Variants in CHCHD6 observed in about 807,000 individuals in gnomAD.
The protein encoded by CHCHD6 is coiled-coil-helix-coiled-coil-helix domain containing 6, also known as MICOS complex subunit MIC25.
A neutral mutation model predicts 32.3 loss-of-function variants in CHCHD6; 28 were observed. The ratio of observed to expected loss-of-function variants is 0.87; its 90% CI spans 0.64 to 1.19. The LOEUF is 1.19. Among genes scored for constraint, CHCHD6 ranks in the 50% most tolerant of loss-of-function variants. The pLI, the probability that CHCHD6 is intolerant of heterozygous loss-of-function variation, is 0.00. For synonymous variants in CHCHD6, 122 were observed against 117.5 expected (o/e 1.04, Z -0.25); for missense variants, 333 against 307.0 (o/e 1.08, Z -0.63).
chr3:126,762,860 T>A (rs1255334206), intron 4 of CHCHD6, among the ~76,000 whole-genome samples: 1 of 152,196 alleles, frequency 6.6e-6, no homozygotes, highest in Non-Finnish European at 1.5e-5. Flanking sequence ...AAGTCTACTT[T>A]ATTTTGCATA....
At chr3:126,959,199 C>T (rs2078827136) in intron 7 of CHCHD6, among the ~76,000 whole-genome samples, 1 of 152,276 alleles carries the variant, frequency 6.6e-6, no homozygotes, top group Non-Finnish European at 1.5e-5. Context: ...CCAGTGTATT[C>T]CCTGAGAGAG....
intron 5 of CHCHD6, among the ~76,000 whole-genome samples, chr3:126,900,712 C>G (rs2077912878): frequency 6.8e-6 from 1 of 146,970 alleles, no homozygotes; most frequent in African/African-American, 2.5e-5. Context: ...TCAAGTGATT[C>G]TCCTGCCTCA....
chr3:126,861,214 C>G (rs924951236), intron 5 of CHCHD6, among the ~76,000 whole-genome samples: 1 of 152,048 alleles, frequency 6.6e-6, no homozygotes, highest in East Asian at 1.9e-4. Flanking sequence ...GACTCTGCCT[C>G]CTTGCATCCC....
chr3:126,935,156 C>G (rs2078460979), intron 6 of CHCHD6: 5 of 987,504 alleles, frequency 5.1e-6, no homozygotes, highest in Middle Eastern at 2.8e-4. Context: ...TCAGCCAGTG[C>G]CTTTGGAAAC....
intron 2 of CHCHD6, among the ~76,000 whole-genome samples, chr3:126,728,573 C>T (rs1935645499): frequency 1.3e-5 from 2 of 152,208 alleles, no homozygotes; most frequent in African/African-American, 4.8e-5. Context: ...TAATAGGGCT[C>T]ACTTACTCCC....
At chr3:126,723,768 C>T (rs182798389) in intron 1 of CHCHD6, among the ~76,000 whole-genome samples, 1 of 152,310 alleles carries the variant, frequency 6.6e-6, no homozygotes, top group African/African-American at 2.4e-5. Context: ...TGTCCTTCCA[C>T]ATGCCTCTGT....
At chr3:126,772,251 G>A (rs566019339) in intron 4 of CHCHD6, among the ~76,000 whole-genome samples, 15 of 152,190 alleles carry the variant, frequency 9.9e-5, no homozygotes, top group African/African-American at 2.2e-4. Context: ...ACAGGTGCCC[G>A]CAACCACGCC....
chr3:126,799,868 A>C (rs1015500495), intron 4 of CHCHD6, among the ~76,000 whole-genome samples: 7 of 152,166 alleles, frequency 4.6e-5, no homozygotes, highest in African/African-American at 1.4e-4. Context: ...GTCTTACTTC[A>C]TATGTTGTTT....
At chr3:126,897,649 C>G (rs1318840742) in intron 5 of CHCHD6, among the ~76,000 whole-genome samples, 1 of 152,202 alleles carries the variant, frequency 6.6e-6, no homozygotes. Context: ...GTTTTCTCAG[C>G]TATAAAAAGG....
chr3:126,888,278 C>G (rs941651164), intron 5 of CHCHD6, among the ~76,000 whole-genome samples: 1 of 152,204 alleles, frequency 6.6e-6, no homozygotes, highest in Non-Finnish European at 1.5e-5. Context: ...GTTGGTAGAG[C>G]GAAAAGGACT....
At chr3:126,800,968 T>C (rs888367789) in intron 4 of CHCHD6, among the ~76,000 whole-genome samples, 1 of 152,232 alleles carries the variant, frequency 6.6e-6, no homozygotes, top group African/African-American at 2.4e-5. Flanking sequence ...GCAATCAGTT[T>C]GTTATTGCTT....
chr3:126,806,837 G>A (rs1939408089), intron 4 of CHCHD6, among the ~76,000 whole-genome samples: 1 of 151,938 alleles, frequency 6.6e-6, no homozygotes, highest in Non-Finnish European at 1.5e-5. Context: ...AGGAAATGTG[G>A]CACATATACA....
intron 4 of CHCHD6, among the ~76,000 whole-genome samples, chr3:126,738,865 G>T (rs1936170656): frequency 3.3e-5 from 5 of 152,228 alleles, no homozygotes. Flanking sequence ...AAAGATGTTT[G>T]TCTCCTAGTC....
chr3:126,837,989 A>C (rs1940929766), intron 4 of CHCHD6, among the ~76,000 whole-genome samples: 1 of 152,152 alleles, frequency 6.6e-6, no homozygotes, highest in Admixed American at 6.5e-5. Flanking sequence ...CCGTTCCCTC[A>C]TTCTCCCAGC....
At chr3:126,861,373 TCA>T (rs1261831808) in intron 5 of CHCHD6, among the ~76,000 whole-genome samples, 5 of 152,010 alleles carry the variant, frequency 3.3e-5, no homozygotes, top group Non-Finnish European at 7.4e-5. Flanking sequence ...TTACTGAACT[TCA>T]CTTTCTTCAT....
At chr3:126,913,635 G>T (rs2078128023) in intron 5 of CHCHD6, among the ~76,000 whole-genome samples, 1 of 152,160 alleles carries the variant, frequency 6.6e-6, no homozygotes, top group South Asian at 2.1e-4. Flanking sequence ...CCCCACCTCA[G>T]GTTGTTTCAT....
At chr3:126,791,367 T>C (rs1402077616) in intron 4 of CHCHD6, among the ~76,000 whole-genome samples, 2 of 152,248 alleles carry the variant, frequency 1.3e-5, no homozygotes, top group Non-Finnish European at 2.9e-5. Context: ...CAGGGACATT[T>C]AAGTCTGCAG....
intron 6 of CHCHD6, among the ~76,000 whole-genome samples, chr3:126,930,452 C>T (rs2078387995): frequency 6.6e-6 from 1 of 152,250 alleles, no homozygotes; most frequent in African/African-American, 2.4e-5. Flanking sequence ...GAGAAGGCTG[C>T]AGTCATGGGA....
intron 6 of CHCHD6, chr3:126,953,279 A>AT (rs747716739): frequency 9.5e-6 from 3 of 316,140 alleles, no homozygotes; most frequent in Non-Finnish European, 1.4e-5. Flanking sequence ...CACCATGATT[A>AT]TGCAGACTCG....
Sources: gnomAD v4.1 joint callset for allele counts (sites outside exome capture counted in the v4.1 genomes callset) on GRCh38, gnomAD v4.1.1 for gene constraint, MANE v1.5 for transcripts, NCBI Gene and HGNC (gene_info 2026-07-23, HGNC 2026-07-21) for gene names.